Variants in LRP1B observed in about 807,000 individuals in gnomAD.
LRP1B encodes LDL receptor related protein 1B.
In LRP1B, 217 loss-of-function variants were observed where a neutral mutation model predicts 556.6. That is an observed-to-expected ratio of 0.39 (90% CI 0.35 to 0.44). LRP1B has a LOEUF of 0.44. LRP1B is among the 20% of genes least tolerant of loss of function. The probability of loss-of-function intolerance (pLI) is 1.00; values close to 1 mark genes in which losing one functional copy is unlikely to be tolerated. For synonymous variants in LRP1B, 2,047 were observed against 1,865.8 expected (o/e 1.10, Z -2.50); for missense variants, 5,053 against 5,620.8 (o/e 0.90, Z 3.23).
At chr2:140,490,280 A>G (rs1237714319) in intron 57 of LRP1B, among the ~76,000 whole-genome samples, 2 of 152,102 alleles carry the variant, frequency 1.3e-5, no homozygotes, top group Non-Finnish European at 2.9e-5. Context: ...TACTTGATTA[A>G]TTTTCATTCC....
At chr2:141,247,860 T>G (rs1684123967) in intron 4 of LRP1B, among the ~76,000 whole-genome samples, 1 of 152,196 alleles carries the variant, frequency 6.6e-6, no homozygotes, top group South Asian at 2.1e-4. Flanking sequence ...AATTTCATTT[T>G]AATATCTGTA....
At chr2:140,849,596 A>G (rs1472103552) in intron 29 of LRP1B, among the ~76,000 whole-genome samples, 3 of 151,932 alleles carry the variant, frequency 2.0e-5, no homozygotes, top group Non-Finnish European at 2.9e-5. Context: ...CTGGAGCACA[A>G]TGACATGATC....
At chr2:140,819,055 A>G (rs1691227303) in intron 31 of LRP1B, among the ~76,000 whole-genome samples, 1 of 151,832 alleles carries the variant, frequency 6.6e-6, no homozygotes. Context: ...GTTAGCCTTC[A>G]GTCGCCTTGT....
At chr2:141,243,172 A>T (rs1683944278) in intron 5 of LRP1B, among the ~76,000 whole-genome samples, 1 of 151,574 alleles carries the variant, frequency 6.6e-6, no homozygotes, top group Non-Finnish European at 1.5e-5. Context: ...ACAAGTTCTA[A>T]CATTTAATTA....
chr2:141,479,688 C>G (rs776663859), intron 3 of LRP1B, among the ~76,000 whole-genome samples: 1 of 152,144 alleles, frequency 6.6e-6, no homozygotes. Flanking sequence ...GCTTCCAAAT[C>G]TGGGTCCTTA....
chr2:141,764,619 C>A (rs72847478), intron 2 of LRP1B, among the ~76,000 whole-genome samples: 1,652 of 152,216 alleles, frequency 0.011, 19 homozygotes, highest in South Asian at 0.022. Flanking sequence ...GGAACCCAAC[C>A]CTGCTGACAC....
chr2:141,117,538 T>C (rs1700937173), intron 7 of LRP1B, among the ~76,000 whole-genome samples: 2 of 152,094 alleles, frequency 1.3e-5, no homozygotes, highest in South Asian at 4.2e-4. Flanking sequence ...CCTATCACAA[T>C]AGTTTAAATT....
chr2:140,407,437 A>C (rs1684789249), intron 66 of LRP1B, among the ~76,000 whole-genome samples: 2 of 152,266 alleles, frequency 1.3e-5, no homozygotes, highest in South Asian at 4.1e-4. Flanking sequence ...CATCCGACAA[A>C]GGAATAGTAT....
chr2:141,263,372 A>G (rs1684772391), intron 3 of LRP1B, among the ~76,000 whole-genome samples: 1 of 152,112 alleles, frequency 6.6e-6, no homozygotes, highest in South Asian at 2.1e-4. Flanking sequence ...AATAAAAGAA[A>G]ACTATGAACA....
chr2:141,399,218 C>A (rs768101163), intron 3 of LRP1B, among the ~76,000 whole-genome samples: 1 of 151,754 alleles, frequency 6.6e-6, no homozygotes, highest in African/African-American at 2.4e-5. Flanking sequence ...ATCGTGCCAC[C>A]GTGCTCCGGC....
intron 11 of LRP1B, among the ~76,000 whole-genome samples, chr2:141,024,391 A>G (rs1168786157): frequency 1.3e-5 from 2 of 152,066 alleles, no homozygotes; most frequent in Non-Finnish European, 2.9e-5. Context: ...TGTAGAGTGC[A>G]TATAAGGGTC....
In LRP1B at chr2:141,999,787, CA is replaced by C. The variant is rs747708497; in HGVS notation, c.82+130860del. 1.5e-3 allele frequency among the ~76,000 whole-genome samples: 231 copies of C among 151,936 alleles called. 1 individual carries two copies. Among genetic ancestry groups the C allele is most frequent in the Non-Finnish European group, 2.2e-3 (150 of 67,928 alleles). ...ATGAAAACCAATTCTATGCTTTGCA[CA>C]CATGTACTATTTGTATCAACTGTAA... On this transcript the variant is annotated intron_variant, in intron 1 of 90. Transcript: ENST00000389484.
intron 43 of LRP1B, among the ~76,000 whole-genome samples, chr2:140,582,790 G>T (rs905075750): frequency 6.6e-6 from 1 of 152,140 alleles, no homozygotes. Context: ...CTGGTAGTTG[G>T]TTATAGAAGC....
At chr2:141,703,845 T>C (rs1437250733) in intron 2 of LRP1B, among the ~76,000 whole-genome samples, 1 of 151,940 alleles carries the variant, frequency 6.6e-6, no homozygotes, top group Admixed American at 6.6e-5. Context: ...GAGCTGGCTA[T>C]ATCAGTTTAG....
intron 1 of LRP1B, among the ~76,000 whole-genome samples, chr2:141,855,069 G>A (rs1315824651): frequency 6.6e-6 from 1 of 151,988 alleles, no homozygotes; most frequent in Non-Finnish European, 1.5e-5. Flanking sequence ...TTCTTTCAAA[G>A]GCAAGGTGTT....
intron 17 of LRP1B, among the ~76,000 whole-genome samples, chr2:140,988,042 T>C (rs1363435154): frequency 6.6e-6 from 1 of 152,096 alleles, no homozygotes; most frequent in Non-Finnish European, 1.5e-5. Flanking sequence ...TATAATCATA[T>C]GGCAAGAGCA....
At chr2:141,490,008 A>G (rs1347556038) in intron 2 of LRP1B, among the ~76,000 whole-genome samples, 1 of 152,154 alleles carries the variant, frequency 6.6e-6, no homozygotes, top group Non-Finnish European at 1.5e-5. Context: ...ACAAACTGCA[A>G]GAGATGTAAA....
chr2:140,579,784 G>A (rs1398516826), intron 43 of LRP1B, among the ~76,000 whole-genome samples: 1 of 152,204 alleles, frequency 6.6e-6, no homozygotes, highest in Non-Finnish European at 1.5e-5. Context: ...GGGGGTTGCA[G>A]TGAACCGAGA....
At chr2:141,883,451 A>G (rs1041568587) in intron 1 of LRP1B, among the ~76,000 whole-genome samples, 10 of 152,186 alleles carry the variant, frequency 6.6e-5, no homozygotes, top group African/African-American at 2.4e-4. Context: ...TTACCTTTTA[A>G]AAAGGAAATA....
Sources: allele counts gnomAD v4.1 joint callset (sites outside exome capture counted in the v4.1 genomes callset), GRCh38; gene constraint gnomAD v4.1.1; transcripts MANE v1.5; gene names NCBI Gene and HGNC (gene_info 2026-07-23, HGNC 2026-07-21).